Variants in PTPN2 observed in about 807,000 individuals in gnomAD.
The protein encoded by PTPN2 is tyrosine-protein phosphatase non-receptor type 2.
A neutral mutation model predicts 57.3 loss-of-function variants in PTPN2; 19 were observed. The ratio of observed to expected loss-of-function variants is 0.33; its 90% CI spans 0.23 to 0.49. PTPN2 has a LOEUF of 0.49. Among genes scored for constraint, PTPN2 ranks in the 20% least tolerant of loss-of-function variants. PTPN2 has a pLI of 0.99. For missense variants in PTPN2, 358 were observed against 501.1 expected (o/e 0.71, Z 2.73); for synonymous variants, 153 against 164.9 (o/e 0.93, Z 0.55).
chr18:12,853,001 T>C (rs1434817722), intron 2 of PTPN2, among the ~76,000 whole-genome samples: 2 of 152,232 alleles, frequency 1.3e-5, no homozygotes, highest in Non-Finnish European at 2.9e-5. Flanking sequence ...CACTGTCATA[T>C]CTTACAATAT....
chr18:12,827,357 ATAAT>A (rs1308542518), intron 4 of PTPN2, among the ~76,000 whole-genome samples: 2 of 141,210 alleles, frequency 1.4e-5, no homozygotes, highest in Admixed American at 7.1e-5. Context: ...AAAAAAAAAA[ATAAT>A]AATAATAATA....
chr18:12,837,657 T>A (rs1005779451), intron 2 of PTPN2, among the ~76,000 whole-genome samples: 3 of 152,208 alleles, frequency 2.0e-5, no homozygotes, highest in Non-Finnish European at 4.4e-5. Flanking sequence ...GCCGGATGCA[T>A]ATCACTGAAT....
downstream of PTPN2, chr18:12,787,648 G>A (rs773266538): frequency 6.6e-6 from 1 of 152,012 alleles, no homozygotes; most frequent in African/African-American, 2.4e-5. Flanking sequence ...AAGAAAATAC[G>A]GTTAAATCAT....
chr18:12,857,705 G>A (rs915558500), intron 2 of PTPN2, among the ~76,000 whole-genome samples: 1 of 152,046 alleles, frequency 6.6e-6, no homozygotes, highest in African/African-American at 2.4e-5. Flanking sequence ...TTCCCTGAAC[G>A]CACACCCACA....
Position 12,817,181 on chromosome 18 carries a change from G to A in PTPN2, c.680C>T (p.Ser227Phe). The A allele has an allele frequency of 1.9e-6, 3 of 1,614,180 alleles. No homozygotes were observed. Among genetic ancestry groups the A allele is most frequent in the Non-Finnish European group, 2.5e-6 (3 of 1,180,018 alleles). Residue 227 changes from serine to phenylalanine, a missense_variant, in exon 6 of 9, where the codon TCT becomes TTT. Physicochemically the swap from Ser to Phe is radical, Grantham distance 155. This residue lies in a region of PTPN2 where 193 missense variants were observed against 315.4 expected (regional missense o/e 0.61). Coordinates refer to ENST00000309660, the MANE Select transcript of PTPN2 (RefSeq NM_002828.4). ...SAGIGRSGTF[S>F]LVDTCLVLME... Reference sequence around the variant, plus strand: ...CAAAACAAGACAAGTGTCTACCAGAGAGAAGGTGCCAGAGCGCCCAATGCC... The same window carrying A: ...CAAAACAAGACAAGTGTCTACCAGAAAGAAGGTGCCAGAGCGCCCAATGCC...
rs4263010 is a variant in PTPN2, at chr18:12,875,069, C to T, written c.69+9004G>A. Among the ~76,000 whole-genome samples the T allele has an allele frequency of 7.2e-5, 11 of 152,208 alleles. No homozygotes were observed. In the South Asian group the frequency reaches 1.7e-3, roughly 23 times the overall value. Reference sequence around the variant, plus strand: ...CACTCAGGGTTAAATGGATTAAGGGCAGTGCAAGATGTGCTTTGTTAAACA... The same window carrying T: ...CACTCAGGGTTAAATGGATTAAGGGTAGTGCAAGATGTGCTTTGTTAAACA... On this transcript the variant is annotated intron_variant, in intron 1 of 8. Coordinates refer to ENST00000309660, the MANE Select transcript of PTPN2 (RefSeq NM_002828.4).
intron 4 of PTPN2, among the ~76,000 whole-genome samples, chr18:12,827,082 G>A (rs2042493562): frequency 6.6e-6 from 1 of 151,610 alleles, no homozygotes; most frequent in Non-Finnish European, 1.5e-5. Context: ...GGTGGCTCAC[G>A]CCTGTAATCC....
At chr18:12,865,974 A>G (rs1428048485) in intron 1 of PTPN2, among the ~76,000 whole-genome samples, 2 of 152,214 alleles carry the variant, frequency 1.3e-5, no homozygotes, top group Non-Finnish European at 2.9e-5. Context: ...ACTTGGACAC[A>G]TATGTTCATG....
chr18:12,815,293 T>A (rs2042037285), intron 6 of PTPN2, among the ~76,000 whole-genome samples: 1 of 151,534 alleles, frequency 6.6e-6, no homozygotes, highest in African/African-American at 2.4e-5. Context: ...GCACTTGTAG[T>A]CCCAGCTACT....
chr18:12,864,588 C>T (rs896332142), intron 1 of PTPN2, among the ~76,000 whole-genome samples: 2 of 151,844 alleles, frequency 1.3e-5, no homozygotes, highest in Admixed American at 6.6e-5. Flanking sequence ...TTAGTAGAGA[C>T]GGGGTTTCAC....
chr18:12,828,275 G>A (rs1362094343), intron 4 of PTPN2, among the ~76,000 whole-genome samples: 1 of 152,210 alleles, frequency 6.6e-6, no homozygotes, highest in Non-Finnish European at 1.5e-5. Flanking sequence ...TAGAGAATGA[G>A]CTTTAGTCAG....
intron 8 of PTPN2, among the ~76,000 whole-genome samples, chr18:12,794,883 A>G (rs1299362759): frequency 1.3e-5 from 2 of 152,176 alleles, no homozygotes; most frequent in African/African-American, 4.8e-5. Flanking sequence ...TTGGCCTCCC[A>G]AAGTCCTGAG....
chr18:12,881,763 T>C (rs1239867981), intron 1 of PTPN2, among the ~76,000 whole-genome samples: 1 of 152,144 alleles, frequency 6.6e-6, no homozygotes, highest in African/African-American at 2.4e-5. Flanking sequence ...TTTTGGGAAA[T>C]ACAGGACTCC....
intron 3 of PTPN2, among the ~76,000 whole-genome samples, chr18:12,836,411 G>C (rs191913450): frequency 1.8e-3 from 272 of 152,342 alleles, no homozygotes; most frequent in Non-Finnish European, 3.0e-3. Flanking sequence ...ATGCGAGGCA[G>C]GGGGAGCTAC....
At chr18:12,806,153 A>C (rs903034484) in intron 7 of PTPN2, among the ~76,000 whole-genome samples, 1 of 152,202 alleles carries the variant, frequency 6.6e-6, no homozygotes, top group African/African-American at 2.4e-5. Flanking sequence ...AACAAATAAA[A>C]ATCAGTAGAA....
intron 2 of PTPN2, among the ~76,000 whole-genome samples, chr18:12,854,373 A>AAAC (rs2043509270): frequency 6.7e-6 from 1 of 149,514 alleles, no homozygotes; most frequent in South Asian, 2.2e-4. Flanking sequence ...AAAAAAAAAA[A>AAAC]AAGAAAAAAG....
At chr18:12,831,093 A>G (rs1189886634) in intron 3 of PTPN2, 52 bp from the exon 4 acceptor site, 4 of 1,336,084 alleles carry the variant, frequency 3.0e-6, no homozygotes, top group Non-Finnish European at 4.3e-6. Context: ...AGAAAGAGCA[A>G]GGCTCCAGGA....
intron 7 of PTPN2, among the ~76,000 whole-genome samples, chr18:12,803,172 A>G (rs1424322337): frequency 9.9e-5 from 15 of 152,208 alleles, no homozygotes; most frequent in Admixed American, 8.5e-4. Flanking sequence ...ATCAGCTTAA[A>G]ACACTCTAAG....
At chr18:12,814,612 G>A (rs1598769614) in intron 6 of PTPN2, among the ~76,000 whole-genome samples, 2 of 152,056 alleles carry the variant, frequency 1.3e-5, no homozygotes, top group African/African-American at 4.8e-5. Context: ...ACCAATCATA[G>A]TAATCTCATT....
Sources: gnomAD v4.1 joint callset for allele counts (sites outside exome capture counted in the v4.1 genomes callset) on GRCh38, gnomAD v4.1.1 for gene constraint, gnomAD v4.1.1 regional missense constraint, MANE v1.5 for transcripts, NCBI Gene and HGNC (gene_info 2026-07-23, HGNC 2026-07-21) for gene names.